The following TEX11 variants were observed in gnomAD, a reference collection of about 807,000 sequenced individuals.
TEX11 encodes testis expressed 11.
A neutral mutation model predicts 84.4 loss-of-function variants in TEX11; 7 were observed. That is an observed-to-expected ratio of 0.08 (90% CI 0.05 to 0.16). The LOEUF (loss-of-function observed/expected upper bound fraction) is 0.16. Ranked by LOEUF, TEX11 falls within the 10% of genes least tolerant of loss-of-function variation. The pLI is 1.00. For missense variants in TEX11, 551 were observed against 660.5 expected, an observed-to-expected ratio of 0.83 and a Z score of 1.82; for synonymous variants, 264 against 222.8, an observed-to-expected ratio of 1.18 and a Z score of -1.64.
Position 70,805,406 on chromosome X carries a change from CT to C in TEX11, c.692+1298del, listed in dbSNP as rs776518885. On this transcript the variant is annotated intron_variant, in intron 9 of 29. Transcript: ENST00000374333. The stretch of plus-strand genomic sequence containing the variant: ...TTTACTCCATGATCCATTTTTTTTT[CT>C]TTTTTTTTTTTTTGAGACGGAGTCT... 7.0e-3 allele frequency among the ~76,000 whole-genome samples: 698 copies of C among 99,486 alleles called. 1 individual carries two copies. Among genetic ancestry groups the C allele is most frequent in the Non-Finnish European group, 0.01 (498 of 48,637 alleles). The allele number at this position is 99,486 out of a possible 115,157, so 86.4% of individuals were successfully genotyped here. A position where few individuals can be genotyped will look rare whatever the true frequency, so the allele number is the denominator to read the frequency against.
intron 17 of TEX11, among the ~76,000 whole-genome samples, chrX:70,634,713 A>C (rs1603171686): frequency 1.2e-5 from 1 of 82,995 alleles, no homozygotes; most frequent in Non-Finnish European, 2.3e-5. Context: ...AGTCATGTGC[A>C]AAAAAAAAAA....
At chrX:70,884,189 GTT>G (rs749928447) in intron 2 of TEX11, among the ~76,000 whole-genome samples, 10 of 112,632 alleles carry the variant, frequency 8.9e-5, no homozygotes, top group Non-Finnish European at 1.9e-4. Flanking sequence ...TGGAAACTAA[GTT>G]TTAACAAAAT....
At chrX:70,843,794 C>T (rs148728227) in intron 7 of TEX11, among the ~76,000 whole-genome samples, 1,449 of 111,402 alleles carry the variant, frequency 0.013, 12 homozygotes, top group Non-Finnish European at 0.022. Context: ...AACAAGTGGG[C>T]GAAGGATATG....
At chrX:70,776,062 AAC>A (rs1491099886) in intron 9 of TEX11, among the ~76,000 whole-genome samples, 371 of 82,609 alleles carry the variant, frequency 4.5e-3, no homozygotes, top group African/African-American at 8.4e-3. Flanking sequence ...AAAAAAAAAA[AAC>A]AAACTTATAA....
intron 17 of TEX11, among the ~76,000 whole-genome samples, chrX:70,648,459 T>C (rs1439444936): frequency 1.8e-5 from 2 of 110,607 alleles, no homozygotes. Context: ...TCATGATCAA[T>C]ATATATATAA....
At chrX:70,885,870 A>T (rs1483307845) in intron 2 of TEX11, among the ~76,000 whole-genome samples, 1 of 99,761 alleles carries the variant, frequency 1.0e-5, no homozygotes, top group African/African-American at 3.8e-5. Context: ...CATCCTGGGT[A>T]AGAGTGAGAC....
chrX:70,890,168 C>A (rs1434396772), intron 2 of TEX11, among the ~76,000 whole-genome samples: 1 of 111,688 alleles, frequency 9.0e-6, no homozygotes, highest in Non-Finnish European at 1.9e-5. Context: ...ATGAAAAAAA[C>A]TAAAAAGAGA....
intron 9 of TEX11, among the ~76,000 whole-genome samples, chrX:70,799,055 C>A (rs1475052101): frequency 1.8e-5 from 2 of 111,156 alleles, no homozygotes; most frequent in Non-Finnish European, 3.8e-5. Context: ...GAAGAGACAG[C>A]CTGTGGAATT....
At chrX:70,831,936 G>T (rs185566810) in intron 8 of TEX11, among the ~76,000 whole-genome samples, 5 of 110,780 alleles carry the variant, frequency 4.5e-5, no homozygotes, top group African/African-American at 1.6e-4. Flanking sequence ...GAGGAAAAAA[G>T]AATAAAGATG....
chrX:70,613,250 C>T (rs1291017271), intron 20 of TEX11, among the ~76,000 whole-genome samples: 1 of 111,793 alleles, frequency 8.9e-6, no homozygotes. Flanking sequence ...GGTGAGCACT[C>T]ACAGTATCTG....
chrX:70,642,099 C>T (rs1442360540), intron 17 of TEX11, among the ~76,000 whole-genome samples: 1 of 110,746 alleles, frequency 9.0e-6, no homozygotes, highest in African/African-American at 3.3e-5. Context: ...CACCACCGAT[C>T]CCACAGAAAT....
At chrX:70,664,155 T>C (rs779489373) in intron 16 of TEX11, among the ~76,000 whole-genome samples, 2 of 112,202 alleles carry the variant, frequency 1.8e-5, no homozygotes, top group East Asian at 5.6e-4. Context: ...TAGAGGGTGA[T>C]TGCCACTTTT....
intron 9 of TEX11, among the ~76,000 whole-genome samples, chrX:70,794,486 C>A (rs1185711197): frequency 9.1e-6 from 1 of 110,324 alleles, no homozygotes; most frequent in Non-Finnish European, 1.9e-5. Flanking sequence ...AGACACCAGC[C>A]TGGGTGGCCA....
chrX:70,744,051 T>C (rs190340075), intron 10 of TEX11, 114 bp downstream of exon 10: 1 of 284,939 alleles, frequency 3.5e-6, no homozygotes, highest in East Asian at 7.6e-5. Flanking sequence ...ATGTTAAATG[T>C]TGTGCCCAAT....
chrX:70,829,695 T>C (rs182176964), intron 8 of TEX11, among the ~76,000 whole-genome samples: 1 of 108,726 alleles, frequency 9.2e-6, no homozygotes, highest in East Asian at 2.9e-4. Context: ...AAAGTTAAAG[T>C]GTAGAGTTTT....
chrX:70,868,675 C>A (rs1187829048), intron 4 of TEX11, among the ~76,000 whole-genome samples: 1 of 111,664 alleles, frequency 9.0e-6, no homozygotes, highest in African/African-American at 3.3e-5. Flanking sequence ...GGCACATATA[C>A]ACCATGGAAT....
intron 4 of TEX11, among the ~76,000 whole-genome samples, chrX:70,862,017 C>T (rs2091573092): frequency 9.1e-6 from 1 of 109,617 alleles, no homozygotes; most frequent in Admixed American, 9.9e-5. Flanking sequence ...GAGGGGGTCT[C>T]GCTCTGTCAC....
intron 13 of TEX11, among the ~76,000 whole-genome samples, chrX:70,691,611 A>G (rs1332564044): frequency 3.6e-5 from 4 of 111,554 alleles, no homozygotes; most frequent in Non-Finnish European, 7.5e-5. Flanking sequence ...GGCTAAAAAA[A>G]AGTTTAAACT....
In TEX11 at chrX:70,674,216, G is replaced by A. The variant is rs191974312; in HGVS notation, c.1243-3702C>T. 6.2e-5 allele frequency among the ~76,000 whole-genome samples: 7 copies of A among 112,048 alleles called. No homozygotes were observed. The East Asian group carries it at 8.4e-4, about 13-fold the overall frequency. ...AGCTTCCAGCTCCATCAATGTTCCCGCAAAAGACATGATCTTTTCTTTTTT... is the reference window on the plus strand; with the variant it reads ...AGCTTCCAGCTCCATCAATGTTCCCACAAAAGACATGATCTTTTCTTTTTT... On this transcript the variant is annotated intron_variant, in intron 15 of 29. Transcript: ENST00000374333.
Sources: allele counts gnomAD v4.1 joint callset (sites outside exome capture counted in the v4.1 genomes callset), GRCh38; gene constraint gnomAD v4.1.1; transcripts MANE v1.5; gene names NCBI Gene and HGNC (gene_info 2026-07-23, HGNC 2026-07-21).